DLG2: variants seen among roughly 807,000 people sequenced by gnomAD.
The protein encoded by DLG2 is discs large MAGUK scaffold protein 2, also known as disks large homolog 2.
A neutral mutation model predicts 132.5 loss-of-function variants in DLG2; 45 were observed. The observed-to-expected ratio is 0.34, with a 90% CI of 0.27 to 0.44. The LOEUF (loss-of-function observed/expected upper bound fraction) is 0.44, where lower values mean the gene tolerates loss of function less well. DLG2 is among the 20% of genes least tolerant of loss of function. The probability of loss-of-function intolerance (pLI) is 1.00; values close to 1 mark genes in which losing one functional copy is unlikely to be tolerated. For missense variants in DLG2, 1,045 were observed against 1,196.9 expected, an observed-to-expected ratio of 0.87 and a Z score of 1.87; for synonymous variants, 424 against 419.6, an observed-to-expected ratio of 1.01 and a Z score of -0.13.
At chr11:84,799,750 C>T (rs954460266) in intron 6 of DLG2, among the ~76,000 whole-genome samples, 9 of 152,114 alleles carry the variant, frequency 5.9e-5, no homozygotes, top group Non-Finnish European at 1.2e-4. Flanking sequence ...AATCCAAAGG[C>T]GTCCAGGAAA....
At chr11:83,838,902 T>C (rs1193574296) in intron 16 of DLG2, among the ~76,000 whole-genome samples, 1 of 152,182 alleles carries the variant, frequency 6.6e-6, no homozygotes, top group African/African-American at 2.4e-5. Flanking sequence ...ATGGAGGGAA[T>C]CATATTTTAA....
rs375066503 is a variant in DLG2, at chr11:84,099,045, C to G, written c.627G>C (p.Gly209=). ...YEFEEITLER[G]NSGLGFSIAG... ...CAATACTGAATCCCAGGCCAGAATT[C>G]CCCTATAGAAACAAAAAGCAGATAT... The change falls in exon 10 of 28, where the codon GGG becomes GGC. Residue 209 remains glycine, a splice_region_variant and synonymous_variant. Transcript: ENST00000376104. 1.3e-4 allele frequency: 203 copies of G among 1,612,746 alleles called. 2 individuals carry two copies. The South Asian group carries it at 2.0e-3, about 16-fold the overall frequency.
intron 6 of DLG2, among the ~76,000 whole-genome samples, chr11:84,781,046 A>G (rs1252871680): frequency 7.8e-6 from 1 of 127,442 alleles, no homozygotes; most frequent in Non-Finnish European, 1.7e-5. Flanking sequence ...CCAAAAGTTC[A>G]TCATAACTTA....
rs1285831716 is a variant in DLG2 at position 84,313,657 on chromosome 11, G to GAAAGAAAGAAAGAAAGAAAGAA, written c.520-62388_520-62367dup. Among the ~76,000 whole-genome samples, 11 of 149,934 alleles carry GAAAGAAAGAAAGAAAGAAAGAA rather than the reference G, an allele frequency of 7.3e-5. No homozygotes were observed. In the East Asian group the frequency reaches 1.4e-3, roughly 19 times the overall value. ...AAAGAGAGAAAAAGAAAGAAAGAAAGAAAGAAAGAAAGAAAGAAAGAAAGA... is the reference window on the plus strand; with the variant it reads ...AAAGAGAGAAAAAGAAAGAAAGAAAGAAAGAAAGAAAGAAAGAAAGAAAAAGAAAGAAAGAAAGAAAGAAAGA... On this transcript the variant is annotated intron_variant, in intron 7 of 27. Transcript: ENST00000376104.
chr11:83,516,950 C>T (rs1051833696), intron 21 of DLG2, among the ~76,000 whole-genome samples: 2 of 152,124 alleles, frequency 1.3e-5, no homozygotes, highest in African/African-American at 4.8e-5. Context: ...TCTGGCTGCC[C>T]TTAACATTTT....
At chr11:85,360,231 A>G (rs987255246) in intron 3 of DLG2, among the ~76,000 whole-genome samples, 1 of 152,228 alleles carries the variant, frequency 6.6e-6, no homozygotes, top group African/African-American at 2.4e-5. Flanking sequence ...ATACACTGTA[A>G]CAACTGAGAA....
intron 6 of DLG2, among the ~76,000 whole-genome samples, chr11:84,795,854 G>A (rs2074519980): frequency 1.3e-5 from 2 of 152,220 alleles, no homozygotes; most frequent in South Asian, 2.1e-4. Context: ...GCCACTTGTG[G>A]TACACCTGGT....
At chr11:84,120,473 C>A (rs929969266) in intron 9 of DLG2, among the ~76,000 whole-genome samples, 1 of 152,112 alleles carries the variant, frequency 6.6e-6, no homozygotes, top group Admixed American at 6.5e-5. Context: ...CACAATGACT[C>A]TGAGAAAGGT....
intron 7 of DLG2, among the ~76,000 whole-genome samples, chr11:84,299,857 T>C (rs1158518867): frequency 2.6e-5 from 4 of 152,204 alleles, no homozygotes; most frequent in Non-Finnish European, 5.9e-5. Context: ...ACTGCTGTCA[T>C]GCTGCAGGTA....
At chr11:84,116,188 G>C (rs1183542571) in intron 9 of DLG2, among the ~76,000 whole-genome samples, 2 of 152,162 alleles carry the variant, frequency 1.3e-5, no homozygotes, top group Non-Finnish European at 2.9e-5. Context: ...CCTTGGGCTA[G>C]CTTCTTAACT....
intron 3 of DLG2, among the ~76,000 whole-genome samples, chr11:85,461,780 A>G (rs529185270): frequency 1.3e-5 from 2 of 152,228 alleles, no homozygotes; most frequent in Non-Finnish European, 2.9e-5. Context: ...AGTAATGGCA[A>G]CAAAAGCCAA....
intron 6 of DLG2, among the ~76,000 whole-genome samples, chr11:85,104,801 A>C (rs1347073651): frequency 6.7e-6 from 1 of 149,376 alleles, no homozygotes; most frequent in Non-Finnish European, 1.5e-5. Flanking sequence ...AAAAAATCCC[A>C]AACACTCATA....
chr11:84,591,049 T>C (rs771467150), intron 6 of DLG2, among the ~76,000 whole-genome samples: 17 of 152,176 alleles, frequency 1.1e-4, no homozygotes, highest in Non-Finnish European at 2.2e-4. Context: ...GTTTCTAGTA[T>C]GAAGGTCCTG....
chr11:83,597,517 C>T (rs1439171997), intron 19 of DLG2, among the ~76,000 whole-genome samples: 3 of 152,014 alleles, frequency 2.0e-5, no homozygotes, highest in African/African-American at 4.8e-5. Flanking sequence ...AACCCCGTCT[C>T]TACCAAAATT....
At chr11:85,445,034 C>G (rs191426067) in intron 3 of DLG2, among the ~76,000 whole-genome samples, 2 of 152,192 alleles carry the variant, frequency 1.3e-5, no homozygotes, top group African/African-American at 4.8e-5. Context: ...AGAGAAAGAA[C>G]AGATAAAACA....
intron 3 of DLG2, among the ~76,000 whole-genome samples, chr11:85,502,571 G>A (rs1468994456): frequency 1.3e-5 from 2 of 151,832 alleles, no homozygotes; most frequent in East Asian, 1.9e-4. Flanking sequence ...AACACCGCAT[G>A]TTCTCACTTA....
At chr11:84,651,054 C>G (rs2099681474) in intron 6 of DLG2, among the ~76,000 whole-genome samples, 1 of 151,334 alleles carries the variant, frequency 6.6e-6, no homozygotes, top group Admixed American at 6.6e-5. Context: ...TGAAAGCAAA[C>G]ATTATCTTAC....
chr11:85,169,248 T>C (rs911418874), intron 4 of DLG2, among the ~76,000 whole-genome samples: 1 of 152,166 alleles, frequency 6.6e-6, no homozygotes, highest in African/African-American at 2.4e-5. Flanking sequence ...GTTGATTGTA[T>C]ATGTGGATGC....
intron 5 of DLG2, among the ~76,000 whole-genome samples, chr11:85,142,095 A>C (rs1425788840): frequency 6.6e-6 from 1 of 151,844 alleles, no homozygotes; most frequent in Non-Finnish European, 1.5e-5. Context: ...TCTGTGAAGA[A>C]TGTCATTGGT....
Sources: allele counts gnomAD v4.1 joint callset (sites outside exome capture counted in the v4.1 genomes callset), GRCh38; gene constraint gnomAD v4.1.1; transcripts MANE v1.5; gene names NCBI Gene and HGNC (gene_info 2026-07-23, HGNC 2026-07-21).